Variants in OR7G3 observed in about 807,000 individuals in gnomAD.
OR7G3 encodes olfactory receptor 7G3.
For synonymous variants in OR7G3, 143 were observed against 157.6 expected (o/e 0.91, Z 0.69); for missense variants, 352 against 372.1 (o/e 0.95, Z 0.44).
chr19:9,126,818 T>C lies in OR7G3; in HGVS notation c.133A>G (p.Ile45Val). 2 of 1,613,990 alleles carry C rather than the reference T, an allele frequency of 1.2e-6. No individual in the cohort carries two copies. Among genetic ancestry groups the C allele is most frequent in the Non-Finnish European group, 1.7e-6 (2 of 1,179,996 alleles). Residue 45 changes from isoleucine to valine, a missense_variant, in exon 1 of 1, where the codon ATC (isoleucine) becomes GTC (valine). By Grantham distance (29) the Ile-to-Val change is conservative. Transcript: ENST00000305444. ...YLATMLGNLL[I>V]ILAVNSDSHL... ...GAGTCAGAGTTGACGGCCAGGATGA[T>C]GAGCAGGTTCCCCAGCATTGTGGCC...
rs533328417 is a variant in OR7G3, at chr19:9,126,261, T to C, written c.690A>G (p.Ser230=). ...RIVSSVMKIP[S]AGGKYKAFSI... ...AAAAAGCTTTATACTTTCCACCAGC[T>C]GATGGAATTTTCATGACAGAGGAGA... is the stretch of plus-strand genomic sequence containing the variant. Residue 230 remains serine (S), a synonymous_variant, in exon 1 of 1, where the codon TCA becomes TCG. Coordinates refer to ENST00000305444, the MANE Select transcript of OR7G3 (RefSeq NM_001001958.1). 29 of 1,614,138 alleles carry C rather than the reference T, an allele frequency of 1.8e-5. No individual in the cohort carries two copies. In the East Asian group the frequency reaches 5.1e-4, roughly 29 times the overall value.
In OR7G3 at chr19:9,126,188, C is replaced by G; in HGVS notation, c.763G>C (p.Gly255Arg). The G allele has an allele frequency of 6.2e-7, 1 of 1,614,204 alleles. No homozygotes were observed. Among genetic ancestry groups the G allele is most frequent in the Non-Finnish European group, 8.5e-7 (1 of 1,180,036 alleles). ...LIVVSLFYGT[G>R]FGVYLSSGAT... ...CCAGAACTAAGGTACACCCCAAACC[C>G]TGTTCCATAAAACAAGGAAACAACG... is the stretch of plus-strand genomic sequence containing the variant. Residue 255 changes from glycine to arginine, a missense_variant, in exon 1 of 1, where the codon GGG (glycine) becomes CGG (arginine). By Grantham distance (125) the Gly-to-Arg change is moderately radical. Coordinates refer to ENST00000305444, the MANE Select transcript of OR7G3 (RefSeq NM_001001958.1).
rs1483879417 is a variant in OR7G3, at chr19:9,126,577, G to C, written c.374C>G (p.Ala125Gly). ...LVMMAYDRFVAICHPLRYNVI... is the reference protein window; with the variant it reads ...LVMMAYDRFVGICHPLRYNVI... Reference sequence around the variant, plus strand: ...ATTGTACCTCAGTGGGTGACAGATGGCCACAAATCGATCATAGGCCATCAT... The same window carrying C: ...ATTGTACCTCAGTGGGTGACAGATGCCCACAAATCGATCATAGGCCATCAT... Residue 125 changes from alanine (A) to glycine (G), a missense_variant, in exon 1 of 1, where the codon GCC becomes GGC. By Grantham distance (60) the Ala-to-Gly change is moderately conservative (BLOSUM62 0). Transcript: ENST00000305444. 1.2e-6 allele frequency: 2 copies of C among 1,614,002 alleles called. No homozygotes were observed. The highest frequency in any genetic ancestry group is 1.7e-6 in the Non-Finnish European group (2 of 1,179,994).
Position 9,126,136 on chromosome 19 carries a change from G to A in OR7G3, c.815C>T (p.Ala272Val), listed in dbSNP as rs368172333. The A allele has an allele frequency of 6.2e-6, 10 of 1,614,124 alleles. No homozygotes were observed. In the African/African-American group the frequency reaches 9.3e-5, roughly 15 times the overall value. The change falls in exon 1 of 1, where the codon GCA (alanine) becomes GTA (valine). Residue 272 changes from alanine to valine, a missense_variant. Transcript: ENST00000305444. The stretch of plus-strand genomic sequence containing the variant: ...CACGGTATACATCACTGATGCTATT[G>A]CACCCTTCCTGGAGGAGTGGGTAGC... The part of the protein sequence containing the change: ...SGATHSSRKG[A>V]IASVMYTVVT...
chr19:9,126,160 G>T lies in OR7G3; in HGVS notation c.791C>A (p.Ala264Asp). ...TGFGVYLSSG[A>D]THSSRKGAIA... ...TGCACCCTTCCTGGAGGAGTGGGTA[G>T]CCCCAGAACTAAGGTACACCCCAAA... The change falls in exon 1 of 1, where the codon GCT becomes GAT. Residue 264 changes from alanine to aspartate, a missense_variant. Coordinates refer to ENST00000305444, the MANE Select transcript of OR7G3 (RefSeq NM_001001958.1). The T allele has an allele frequency of 6.2e-7, 1 of 1,614,174 alleles. No homozygotes were observed. The highest frequency in any genetic ancestry group is 1.1e-5 in the South Asian group (1 of 91,078).
At position 9,126,382 on chromosome 19, in the gene OR7G3, G is replaced by A; in HGVS notation, c.569C>T (p.Ser190Phe). 6.2e-7 allele frequency: 1 copy of A among 1,614,086 alleles called. No homozygotes were observed. Among genetic ancestry groups the A allele is most frequent in the South Asian group, 1.1e-5 (1 of 91,084 alleles). Residue 190 changes from serine to phenylalanine, a missense_variant, in exon 1 of 1, where the codon TCT becomes TTT. By Grantham distance (155) the Ser-to-Phe change is radical. Transcript: ENST00000305444. The part of the protein sequence containing the change: ...ELAHILKLAC[S>F]DVLINNILVY... Reference sequence around the variant, plus strand: ...CAGGATGTTATTGATGAGGACATCAGAACAGGCGAGCTTGAGAATATGAGC... The same window carrying A: ...CAGGATGTTATTGATGAGGACATCAAAACAGGCGAGCTTGAGAATATGAGC...
In OR7G3 at chr19:9,126,416, A is replaced by G; in HGVS notation, c.535T>C (p.Cys179Arg). The G allele has an allele frequency of 6.2e-7, 1 of 1,614,184 alleles. No individual in the cohort carries two copies. Among genetic ancestry groups the G allele is most frequent in the South Asian group, 1.1e-5 (1 of 91,084 alleles). The change falls in exon 1 of 1, where the codon TGT (cysteine) becomes CGT (arginine). Residue 179 changes from cysteine (C) to arginine (R), a missense_variant. Cys to Arg is a radical substitution (Grantham distance 180). Transcript: ENST00000305444. ...CIDLEIPHFF[C>R]ELAHILKLAC... ...AGCTTGAGAATATGAGCTAGTTCAC[A>G]GAAAAAGTGGGGAATTTCCAGGTCT...
At position 9,126,121 on chromosome 19, in the gene OR7G3, A is replaced by C; in HGVS notation, c.830T>G (p.Met277Arg). Residue 277 changes from methionine (M) to arginine (R), a missense_variant, in exon 1 of 1, where the codon ATG becomes AGG. Transcript: ENST00000305444. ...SSRKGAIASV[M>R]YTVVTPMLNP... ...CAGCATGGGGGTGACCACGGTATAC[A>C]TCACTGATGCTATTGCACCCTTCCT... 6.2e-7 allele frequency: 1 copy of C among 1,614,162 alleles called. No individual in the cohort carries two copies. The highest frequency in any genetic ancestry group is 2.2e-5 in the East Asian group (1 of 44,880).
In OR7G3 at chr19:9,126,936, G is replaced by T; in HGVS notation, c.15C>A (p.Asn5Lys). Residue 5 changes from asparagine (N) to lysine (K), a missense_variant, in exon 1 of 1, where the codon AAC becomes AAA. Transcript: ENST00000305444. ...GAAAGAATTCTGGAGTGTCTGAGAAGTTTCCTGCTTTCATGTTGTTGATGA... is the reference window on the plus strand; with the variant it reads ...GAAAGAATTCTGGAGTGTCTGAGAATTTTCCTGCTTTCATGTTGTTGATGA... MKAG[N>K]FSDTPEFFLL... 2 of 1,579,734 alleles carry T rather than the reference G, an allele frequency of 1.3e-6. No homozygotes were observed. The highest frequency in any genetic ancestry group is 8.6e-7 in the Non-Finnish European group (1 of 1,163,180).
In OR7G3 at chr19:9,126,371, T is replaced by C. The variant is rs761051138; in HGVS notation, c.580A>G (p.Ile194Val). Residue 194 changes from isoleucine to valine, a missense_variant, in exon 1 of 1, where the codon ATC becomes GTC. By Grantham distance (29) the Ile-to-Val change is conservative. Transcript: ENST00000305444. ...ILKLACSDVL[I>V]NNILVYLVTS... ...ACCAAATACACCAGGATGTTATTGATGAGGACATCAGAACAGGCGAGCTTG... is the reference window on the plus strand; with the variant it reads ...ACCAAATACACCAGGATGTTATTGACGAGGACATCAGAACAGGCGAGCTTG... The C allele has an allele frequency of 3.1e-6, 5 of 1,614,018 alleles. No individual in the cohort carries two copies. The East Asian group carries it at 1.1e-4, about 36-fold the overall frequency.
rs367664986 is a variant in OR7G3 at position 9,126,390 on chromosome 19, G to A, written c.561C>T (p.Leu187=). 22 of 1,614,004 alleles carry A rather than the reference G, an allele frequency of 1.4e-5. No individual in the cohort carries two copies. Among genetic ancestry groups the A allele is most frequent in the South Asian group, 2.2e-5 (2 of 91,080 alleles). The change falls in exon 1 of 1, where the codon CTC becomes CTT. Residue 187 remains leucine, a synonymous_variant. Transcript: ENST00000305444. ...TATTGATGAGGACATCAGAACAGGC[G>A]AGCTTGAGAATATGAGCTAGTTCAC... ...FFCELAHILK[L]ACSDVLINNI...
rs754415483 is a variant in OR7G3, at chr19:9,126,804, G to T, written c.147C>A (p.Val49=). ...GGGTGTGGAGGTGGGAGTCAGAGTT[G>T]ACGGCCAGGATGATGAGCAGGTTCC... The part of the protein sequence containing the change: ...MLGNLLIILA[V]NSDSHLHTPM... The change falls in exon 1 of 1, where the codon GTC becomes GTA. Residue 49 remains valine, a synonymous_variant. Coordinates refer to ENST00000305444, the MANE Select transcript of OR7G3 (RefSeq NM_001001958.1). 1.9e-6 allele frequency: 3 copies of T among 1,614,054 alleles called. No individual in the cohort carries two copies.
chr19:9,126,147 G>A lies in OR7G3; in HGVS notation c.804C>T (p.Ser268=), dbSNP rs756763421. 2.5e-6 allele frequency: 4 copies of A among 1,614,152 alleles called. No homozygotes were observed. In the South Asian group the frequency reaches 4.4e-5, roughly 18 times the overall value. The part of the protein sequence containing the change: ...VYLSSGATHS[S]RKGAIASVMY... ...TCACTGATGCTATTGCACCCTTCCT[G>A]GAGGAGTGGGTAGCCCCAGAACTAA... The change falls in exon 1 of 1, where the codon TCC becomes TCT. Residue 268 remains serine (S), a synonymous_variant. Coordinates refer to ENST00000305444, the MANE Select transcript of OR7G3 (RefSeq NM_001001958.1).
rs983780102 is a variant in OR7G3 at position 9,126,224 on chromosome 19, A to C, written c.727T>G (p.Ser243Ala). 9.3e-6 allele frequency: 15 copies of C among 1,613,382 alleles called. No homozygotes were observed. The highest frequency in any genetic ancestry group is 1.3e-5 in the Non-Finnish European group (15 of 1,179,894). ...GKYKAFSICG[S>A]HLIVVSLFYG... ...AACAAGGAAACAACGATTAAATGTG[A>C]CCCGCAGATGGAAAAAGCTTTATAC... The change falls in exon 1 of 1, where the codon TCA becomes GCA. Residue 243 changes from serine (S) to alanine (A), a missense_variant. Transcript: ENST00000305444.
chr19:9,126,923 G>C lies in OR7G3; in HGVS notation c.28C>G (p.Pro10Ala), dbSNP rs747555590. 2 of 1,594,174 alleles carry C rather than the reference G, an allele frequency of 1.3e-6. No individual in the cohort carries two copies. The highest frequency in any genetic ancestry group is 8.5e-7 in the Non-Finnish European group (1 of 1,170,372). Residue 10 changes from proline to alanine, a missense_variant, in exon 1 of 1, where the codon CCA becomes GCA. Coordinates refer to ENST00000305444, the MANE Select transcript of OR7G3 (RefSeq NM_001001958.1). MKAGNFSDT[P>A]EFFLLGLSGD... ...GACAATCCCAAGAGAAAGAATTCTGGAGTGTCTGAGAAGTTTCCTGCTTTC... is the reference window on the plus strand; with the variant it reads ...GACAATCCCAAGAGAAAGAATTCTGCAGTGTCTGAGAAGTTTCCTGCTTTC...
chr19:9,126,926 T>C lies in OR7G3; in HGVS notation c.25A>G (p.Thr9Ala). The stretch of plus-strand genomic sequence containing the variant: ...AATCCCAAGAGAAAGAATTCTGGAG[T>C]GTCTGAGAAGTTTCCTGCTTTCATG... The part of the protein sequence containing the change: MKAGNFSD[T>A]PEFFLLGLSG... The change falls in exon 1 of 1, where the codon ACT (threonine) becomes GCT (alanine). Residue 9 changes from threonine to alanine, a missense_variant. Coordinates refer to ENST00000305444, the MANE Select transcript of OR7G3 (RefSeq NM_001001958.1). 1 of 1,592,372 alleles carries C rather than the reference T, an allele frequency of 6.3e-7. No individual in the cohort carries two copies. The highest frequency in any genetic ancestry group is 8.6e-7 in the Non-Finnish European group (1 of 1,169,454).
chr19:9,126,154 T>A lies in OR7G3; in HGVS notation c.797A>T (p.His266Leu), dbSNP rs772172334. Reference sequence around the variant, plus strand: ...TGCTATTGCACCCTTCCTGGAGGAGTGGGTAGCCCCAGAACTAAGGTACAC... The same window carrying A: ...TGCTATTGCACCCTTCCTGGAGGAGAGGGTAGCCCCAGAACTAAGGTACAC... ...FGVYLSSGAT[H>L]SSRKGAIASV... is the part of the protein sequence containing the mutation. The change falls in exon 1 of 1, where the codon CAC becomes CTC. Residue 266 changes from histidine (H) to leucine (L), a missense_variant. Transcript: ENST00000305444. 6 of 1,613,940 alleles carry A rather than the reference T, an allele frequency of 3.7e-6. No individual in the cohort carries two copies. Among genetic ancestry groups the A allele is most frequent in the Non-Finnish European group, 5.1e-6 (6 of 1,180,006 alleles).
rs1419512019 is a variant in OR7G3, at chr19:9,126,908, A to G, written c.43T>C (p.Leu15=). ...AGCTCCGGATCCCCTGACAATCCCA[A>G]GAGAAAGAATTCTGGAGTGTCTGAG... ...NFSDTPEFFL[L]GLSGDPELQP... is the part of the protein sequence containing the mutation. Residue 15 remains leucine (L), a synonymous_variant, in exon 1 of 1, where the codon TTG becomes CTG. Coordinates refer to ENST00000305444, the MANE Select transcript of OR7G3 (RefSeq NM_001001958.1). 6.2e-7 allele frequency: 1 copy of G among 1,605,858 alleles called. No individual in the cohort carries two copies. The highest frequency in any genetic ancestry group is 2.2e-5 in the East Asian group (1 of 44,852).
Position 9,126,287 on chromosome 19 carries a change from C to T in OR7G3, c.664G>A (p.Val222Ile), listed in dbSNP as rs146332854. 13 of 1,614,008 alleles carry T rather than the reference C, an allele frequency of 8.1e-6. No homozygotes were observed. The African/African-American group carries it at 1.7e-4, about 22-fold the overall frequency. The change falls in exon 1 of 1, where the codon GTC becomes ATC. Residue 222 changes from valine (V) to isoleucine (I), a missense_variant. Val to Ile is a conservative substitution (Grantham distance 29, BLOSUM62 3). Coordinates refer to ENST00000305444, the MANE Select transcript of OR7G3 (RefSeq NM_001001958.1). ...SGIIFSYTRI[V>I]SSVMKIPSAG... ...GATGGAATTTTCATGACAGAGGAGA[C>T]AATTCGTGTGTAAGAGAAAATGATC...
Sources: gnomAD v4.1 joint callset for allele counts on GRCh38, gnomAD v4.1.1 for gene constraint, MANE v1.5 for transcripts, NCBI Gene and HGNC (gene_info 2026-07-23, HGNC 2026-07-21) for gene names.